Variants in ADCY2 observed in about 807,000 individuals in gnomAD.
The protein encoded by ADCY2 is adenylate cyclase 2, also known as adenylate cyclase type 2.
Under a neutral mutation model 125.2 loss-of-function variants are expected in ADCY2, and 31 were observed. The ratio of observed to expected loss-of-function variants is 0.25; its 90% CI spans 0.19 to 0.33. The LOEUF (loss-of-function observed/expected upper bound fraction) is 0.33, where lower values mean the gene tolerates loss of function less well. ADCY2 is among the 10% of genes least tolerant of loss of function. ADCY2 has a pLI of 1.00. For synonymous variants in ADCY2, 512 were observed against 548.4 expected (o/e 0.93, Z 0.93); for missense variants, 904 against 1,418.2 (o/e 0.64, Z 5.82).
At chr5:7,461,262 A>C (rs1226639838) in intron 2 of ADCY2, among the ~76,000 whole-genome samples, 3 of 152,200 alleles carry the variant, frequency 2.0e-5, no homozygotes, top group Middle Eastern at 3.4e-3. Context: ...GGGACTAGGG[A>C]GTGTTGTTCT....
At chr5:7,672,305 T>A (rs1440265852) in intron 4 of ADCY2, among the ~76,000 whole-genome samples, 2 of 152,198 alleles carry the variant, frequency 1.3e-5, no homozygotes, top group African/African-American at 4.8e-5. Context: ...GGATGAAGGA[T>A]ATAAACTTTA....
At chr5:7,428,734 G>A (rs944960604) in intron 2 of ADCY2, among the ~76,000 whole-genome samples, 1 of 152,180 alleles carries the variant, frequency 6.6e-6, no homozygotes, top group East Asian at 1.9e-4. Context: ...ACCTTGAACA[G>A]CTAAAAAACA....
chr5:7,680,532 TAATCAGAGTACATCTGACTGACC>T (rs1007424407), intron 4 of ADCY2, among the ~76,000 whole-genome samples: 3 of 152,234 alleles, frequency 2.0e-5, no homozygotes, highest in Admixed American at 1.3e-4. Context: ...CTCTGCAAGC[TAATCAGAGTACATCTGACTGACC>T]AGGCTCAGTC....
intron 16 of ADCY2, among the ~76,000 whole-genome samples, chr5:7,765,177 T>C (rs974951721): frequency 6.6e-6 from 1 of 152,228 alleles, no homozygotes; most frequent in African/African-American, 2.4e-5. Flanking sequence ...ATAGGTGATA[T>C]ATAATCAAGA....
intron 24 of ADCY2, among the ~76,000 whole-genome samples, chr5:7,824,510 G>C (rs553403071): frequency 6.6e-6 from 1 of 152,226 alleles, no homozygotes; most frequent in African/African-American, 2.4e-5. Context: ...AATGACTGCA[G>C]AATTTGCAAA....
At chr5:7,405,015 A>G (rs1187459109) in intron 1 of ADCY2, among the ~76,000 whole-genome samples, 1 of 152,156 alleles carries the variant, frequency 6.6e-6, no homozygotes, top group East Asian at 1.9e-4. Flanking sequence ...ATTGCATGAC[A>G]TTTTTATGAC....
intron 2 of ADCY2, among the ~76,000 whole-genome samples, chr5:7,508,169 G>A (rs1321220472): frequency 1.3e-5 from 2 of 152,066 alleles, no homozygotes; most frequent in African/African-American, 4.8e-5. Flanking sequence ...TTTTTCCAAT[G>A]GGTAAACATT....
intron 4 of ADCY2, among the ~76,000 whole-genome samples, chr5:7,657,168 G>GAA (rs1739367433): frequency 6.6e-6 from 1 of 152,136 alleles, no homozygotes; most frequent in African/African-American, 2.4e-5. Flanking sequence ...TCTGAAATCC[G>GAA]AAACACTTCT....
chr5:7,543,421 CTTAT>C (rs1305184743), intron 3 of ADCY2, among the ~76,000 whole-genome samples: 1 of 151,828 alleles, frequency 6.6e-6, no homozygotes, highest in Non-Finnish European at 1.5e-5. Context: ...AATAAATCTT[CTTAT>C]TTGAGTTGAC....
chr5:7,561,435 G>A (rs1735705112), intron 3 of ADCY2, among the ~76,000 whole-genome samples: 1 of 152,130 alleles, frequency 6.6e-6, no homozygotes, highest in Admixed American at 6.5e-5. Flanking sequence ...AATGGTAAGC[G>A]TTTGGGTATC....
chr5:7,698,122 C>G (rs1219374406), intron 6 of ADCY2, 125 bp from the exon 7 acceptor site: 1 of 1,161,988 alleles, frequency 8.6e-7, no homozygotes, highest in East Asian at 2.4e-5. Context: ...CCAACTGGTT[C>G]TCATTGCTCT....
At chr5:7,640,371 T>C (rs1343153877) in intron 4 of ADCY2, among the ~76,000 whole-genome samples, 1 of 152,188 alleles carries the variant, frequency 6.6e-6, no homozygotes, top group Non-Finnish European at 1.5e-5. Context: ...CACTTTTATA[T>C]GAGTGGGCCT....
intron 16 of ADCY2, among the ~76,000 whole-genome samples, chr5:7,760,099 C>T (rs1369372268): frequency 6.6e-6 from 1 of 152,218 alleles, no homozygotes; most frequent in Non-Finnish European, 1.5e-5. Context: ...AGGCAATTTC[C>T]TGGATACTGC....
intron 6 of ADCY2, among the ~76,000 whole-genome samples, chr5:7,697,575 T>G (rs572291553): frequency 1.3e-5 from 2 of 152,222 alleles, no homozygotes; most frequent in East Asian, 3.9e-4. Context: ...TAGAAACAAA[T>G]ATAGGATCAA....
At position 7,709,463 on chromosome 5, in the gene ADCY2, C is replaced by T; in HGVS notation, c.1578+76C>T. ...CCCAAAACCAAAGGCTGGGCATCTC[C>T]TGCCAAAATAACTCCTTTCTGTAAG... On this transcript the variant is annotated intron_variant, in intron 10 of 24. Coordinates refer to ENST00000338316, the MANE Select transcript of ADCY2 (RefSeq NM_020546.3). This position sits in a 1 kb window ranked among gnomAD's most constrained non-coding sequence, Gnocchi z 4.4. The T allele has an allele frequency of 6.9e-7, 1 of 1,438,892 alleles. No homozygotes were observed. Among genetic ancestry groups the T allele is most frequent in the East Asian group, 2.5e-5 (1 of 39,528 alleles). 89.1% of individuals were successfully genotyped at this position (1,438,892 alleles called of 1,614,324 possible).
rs1476003055 is a variant in ADCY2, at chr5:7,757,567, T to C, written c.2075T>C (p.Met692Thr). 2 of 1,482,478 alleles carry C rather than the reference T, an allele frequency of 1.3e-6. No individual in the cohort carries two copies. Among genetic ancestry groups the C allele is most frequent in the Admixed American group, 2.1e-5 (1 of 47,204 alleles). 91.8% of individuals were successfully genotyped at this position (1,482,478 alleles called of 1,614,324 possible). The part of the protein sequence containing the change: ...LTIITTAIIL[M>T]MAVFNMFFLS... ...ATCATCACCACAGCCATCATATTAA[T>C]GATGGCCGTGTTCAACATGGTAAGT... is the stretch of plus-strand genomic sequence containing the variant. Residue 692 changes from methionine (M) to threonine (T), a missense_variant, in exon 16 of 25, where the codon ATG becomes ACG. This residue lies in a region of ADCY2 where 221 missense variants were observed against 246.2 expected (regional missense o/e 0.90). Coordinates refer to ENST00000338316, the MANE Select transcript of ADCY2 (RefSeq NM_020546.3).
chr5:7,571,682 T>A (rs1256965295), intron 3 of ADCY2, among the ~76,000 whole-genome samples: 1 of 152,196 alleles, frequency 6.6e-6, no homozygotes, highest in Non-Finnish European at 1.5e-5. Context: ...ATGTACAAAT[T>A]TGTTACATAG....
chr5:7,410,411 A>G (rs954192237), intron 1 of ADCY2, among the ~76,000 whole-genome samples: 1 of 152,226 alleles, frequency 6.6e-6, no homozygotes, highest in Non-Finnish European at 1.5e-5. Flanking sequence ...ACATCTAAGA[A>G]ACAAAGGAAT....
chr5:7,544,435 A>G (rs1220902739), intron 3 of ADCY2, among the ~76,000 whole-genome samples: 4 of 152,028 alleles, frequency 2.6e-5, no homozygotes, highest in Non-Finnish European at 5.9e-5. Context: ...GCGTTCCTCA[A>G]TCATTCCACC....
Sources: allele counts gnomAD v4.1 joint callset (sites outside exome capture counted in the v4.1 genomes callset), GRCh38; gene constraint gnomAD v4.1.1; regional missense constraint gnomAD v4.1.1; non-coding constraint Gnocchi (gnomAD v3.1); transcripts MANE v1.5; gene names NCBI Gene and HGNC (gene_info 2026-07-23, HGNC 2026-07-21).